The following SSH1 variants were observed in gnomAD, a reference collection of about 807,000 sequenced individuals.
The protein encoded by SSH1 is slingshot protein phosphatase 1.
SSH1 carries 43 observed loss-of-function variants against 79.7 expected under a neutral mutation model. The ratio of observed to expected loss-of-function variants is 0.54; its 90% CI spans 0.42 to 0.70. SSH1 has a LOEUF of 0.70. SSH1 is among the 30% of genes least tolerant of loss of function. SSH1 has a pLI of 0.00. For synonymous variants in SSH1, 599 were observed against 538.3 expected, an observed-to-expected ratio of 1.11 and a Z score of -1.56; for missense variants, 1,206 against 1,358.8, an observed-to-expected ratio of 0.89 and a Z score of 1.77.
chr12:108,831,218 GAACT>G lies in SSH1; in HGVS notation c.111-7861_111-7858del, dbSNP rs755749184. 1.1e-4 allele frequency among the ~76,000 whole-genome samples: 16 copies of G among 152,302 alleles called. No homozygotes were observed. The South Asian group carries it at 2.5e-3, about 24-fold the overall frequency. On this transcript the variant is annotated intron_variant, in intron 2 of 14. Transcript: ENST00000326495. ...AAACGGAATCACTTTTCCCTGGATA[GAACT>G]AACCCTCAATGGTACCCCACTCTGC...
At chr12:108,795,465 G>A (rs968796652) in intron 13 of SSH1, among the ~76,000 whole-genome samples, 1 of 152,056 alleles carries the variant, frequency 6.6e-6, no homozygotes, top group Non-Finnish European at 1.5e-5. Context: ...ATGTTGGCCA[G>A]GCTGGTCTCA....
Position 108,782,587 on chromosome 12 carries a change from G to A in SSH1, c.*5401C>T, listed in dbSNP as rs1187567099. 1 of 152,160 alleles carries A rather than the reference G, an allele frequency of 6.6e-6. No individual in the cohort carries two copies. Among genetic ancestry groups the A allele is most frequent in the African/African-American group, 2.4e-5 (1 of 41,432 alleles). The allele number at this position is 152,160 out of a possible 1,614,324, so 9.4% of individuals were successfully genotyped here. Reference sequence around the variant, plus strand: ...GCAAAGAACTGAGCATGTAATAGATGCTCAATAAAGACTGGCCATGTCAAT... The same window carrying A: ...GCAAAGAACTGAGCATGTAATAGATACTCAATAAAGACTGGCCATGTCAAT... On this transcript the variant is annotated 3_prime_UTR_variant, in exon 15 of 15. Coordinates refer to ENST00000326495, the MANE Select transcript of SSH1 (RefSeq NM_018984.4).
intron 1 of SSH1, chr12:108,853,420 G>A: frequency 1.1e-6 from 1 of 901,804 alleles, no homozygotes; most frequent in Non-Finnish European, 1.3e-6. Context: ...CGCACCGCTG[G>A]GACTTGGCAT....
chr12:108,843,797 A>C (rs1238113568), intron 2 of SSH1, among the ~76,000 whole-genome samples: 1 of 152,168 alleles, frequency 6.6e-6, no homozygotes, highest in African/African-American at 2.4e-5. Flanking sequence ...GGCCTCCCAA[A>C]GTGCTAGGAT....
intron 5 of SSH1, among the ~76,000 whole-genome samples, chr12:108,816,711 G>A (rs889752644): frequency 3.3e-5 from 5 of 152,282 alleles, no homozygotes; most frequent in African/African-American, 1.2e-4. Flanking sequence ...TTCTGGGTTC[G>A]GCGTTGTTGT....
At chr12:108,851,207 G>T (rs1330951967) in intron 2 of SSH1, among the ~76,000 whole-genome samples, 3 of 152,284 alleles carry the variant, frequency 2.0e-5, no homozygotes, top group Admixed American at 2.0e-4. Context: ...TTTGATTCTT[G>T]CAGGCTAGTG....
chr12:108,830,133 G>C (rs1001733478), intron 2 of SSH1, among the ~76,000 whole-genome samples: 3 of 151,924 alleles, frequency 2.0e-5, no homozygotes, highest in African/African-American at 7.3e-5. Flanking sequence ...CTGATGCACA[G>C]CCAAGTTTTA....
intron 1 of SSH1, chr12:108,853,408 T>C: frequency 1.1e-6 from 1 of 939,126 alleles, no homozygotes; most frequent in Non-Finnish European, 1.3e-6. Context: ...CCCAAACAAC[T>C]CCGCACCGCT....
At chr12:108,798,610 C>A (rs2036852462) in intron 13 of SSH1, among the ~76,000 whole-genome samples, 1 of 152,222 alleles carries the variant, frequency 6.6e-6, no homozygotes, top group African/African-American at 2.4e-5. Flanking sequence ...CTGTGCCTCT[C>A]CGAGTCCTTG....
chr12:108,799,212 G>A lies in SSH1; in HGVS notation c.1149-12C>T, dbSNP rs1460308423. On this transcript the variant is annotated splice_polypyrimidine_tract_variant and intron_variant, in intron 12 of 14. Coordinates refer to ENST00000326495, the MANE Select transcript of SSH1 (RefSeq NM_018984.4). ...TGGAATGGTTCCTCCTGCAGGGGTG[G>A]GAGCAGTTGGGGAGGAGAGATGGGG... 5.0e-6 allele frequency: 8 copies of A among 1,605,970 alleles called. No homozygotes were observed. Among genetic ancestry groups the A allele is most frequent in the Non-Finnish European group, 1.7e-6 (2 of 1,174,978 alleles).
At chr12:108,836,993 G>A (rs1278810077) in intron 2 of SSH1, 4 of 497,106 alleles carry the variant, frequency 8.0e-6, no homozygotes, top group African/African-American at 1.9e-5. Context: ...CATTTTGGGA[G>A]GCTGAGGTGG....
rs1486536495 is a variant in SSH1 at position 108,807,930 on chromosome 12, T to C, written c.537-103A>G. On this transcript the variant is annotated intron_variant, in intron 7 of 14. Transcript: ENST00000326495. The surrounding 1 kb of genome is among the most constrained non-coding windows in gnomAD (Gnocchi z 5.2). Reference sequence around the variant, plus strand: ...AAATACGGGAAGGGAAGGGCAATGATTGATTGGTTGATTATTTCTTTTTGG... The same window carrying C: ...AAATACGGGAAGGGAAGGGCAATGACTGATTGGTTGATTATTTCTTTTTGG... 5.0e-6 allele frequency: 5 copies of C among 993,950 alleles called. No homozygotes were observed. Among genetic ancestry groups the C allele is most frequent in the South Asian group, 2.7e-5 (2 of 73,102 alleles). 61.6% of individuals were successfully genotyped at this position (993,950 alleles called of 1,614,324 possible). A position where few individuals can be genotyped will look rare whatever the true frequency, so the allele number is the denominator to read the frequency against.
chr12:108,857,451 A>T lies in SSH1; in HGVS notation c.46T>A (p.Ser16Thr). The T allele has an allele frequency of 9.0e-7, 1 of 1,116,496 alleles. No homozygotes were observed. The allele number at this position is 1,116,496 out of a possible 1,614,324, so 69.2% of individuals were successfully genotyped here. A position where few individuals can be genotyped will look rare whatever the true frequency, so the allele number is the denominator to read the frequency against. The change falls in exon 1 of 15, where the codon TCC (serine) becomes ACC (threonine). Residue 16 changes from serine (S) to threonine (T), a missense_variant. Physicochemically the swap from Ser to Thr is moderately conservative, Grantham distance 58. Around this residue, in one of 5 missense-constraint regions of SSH1, gnomAD observed 100 missense variants for 82.3 expected, o/e 1.21. Coordinates refer to ENST00000326495, the MANE Select transcript of SSH1 (RefSeq NM_018984.4). This position sits in a 1 kb window ranked among gnomAD's most constrained non-coding sequence, Gnocchi z 4.7. ...LQRSPTPSAA[S>T]SSASNSELEA... ...ACCTCGCTGTTGCTGGCCGAGGAGG[A>T]GGCGGCGCTGGGCGTGGGCGAGCGC...
intron 2 of SSH1, among the ~76,000 whole-genome samples, chr12:108,852,140 ATAT>A (rs2039052823): frequency 6.6e-6 from 1 of 152,046 alleles, no homozygotes; most frequent in Non-Finnish European, 1.5e-5. Flanking sequence ...GCGTTATATA[ATAT>A]TATTAAAGTG....
rs546138361 is a variant in SSH1, at chr12:108,850,761, G to A, written c.110+1877C>T. On this transcript the variant is annotated intron_variant, in intron 2 of 14. Transcript: ENST00000326495. ...GAGTGGGGAAGAGAGATGGGGAGTC[G>A]GGGGAGGGGAACCTGGAGGGAGGGA... 8.3e-5 allele frequency among the ~76,000 whole-genome samples: 11 copies of A among 132,320 alleles called. 1 individual carries two copies. In the Middle Eastern group the frequency reaches 0.011, roughly 133 times the overall value. 86.8% of individuals were successfully genotyped at this position (132,320 alleles called of 152,430 possible). A position where few individuals can be genotyped will look rare whatever the true frequency, so the allele number is the denominator to read the frequency against.
At chr12:108,840,042 C>T (rs984913959) in intron 2 of SSH1, among the ~76,000 whole-genome samples, 3 of 152,200 alleles carry the variant, frequency 2.0e-5, no homozygotes, top group Non-Finnish European at 2.9e-5. Flanking sequence ...CCGCTCTGAC[C>T]ACACGCAGGC....
chr12:108,792,229 A>G (rs889427031), intron 14 of SSH1, 57 bp downstream of exon 14: 2 of 1,613,824 alleles, frequency 1.2e-6, no homozygotes, highest in Middle Eastern at 1.6e-4. Flanking sequence ...AGGTAGGCCA[A>G]TTAGAGTGGG....
intron 2 of SSH1, among the ~76,000 whole-genome samples, chr12:108,834,754 C>T (rs1276758468): frequency 6.6e-6 from 1 of 152,176 alleles, no homozygotes; most frequent in Non-Finnish European, 1.5e-5. Flanking sequence ...CATCTTCCTG[C>T]CAGTATATTT....
Position 108,807,942 on chromosome 12 carries a change from T to A in SSH1, c.537-115A>T. 1.1e-6 allele frequency: 1 copy of A among 949,580 alleles called. No individual in the cohort carries two copies. 58.8% of individuals were successfully genotyped at this position (949,580 alleles called of 1,614,324 possible). A position where few individuals can be genotyped will look rare whatever the true frequency, so the allele number is the denominator to read the frequency against. ...GGAAGGGCAATGATTGATTGGTTGA[T>A]TATTTCTTTTTGGGACAGAGTCTCG... On this transcript the variant is annotated intron_variant, in intron 7 of 14. Coordinates refer to ENST00000326495, the MANE Select transcript of SSH1 (RefSeq NM_018984.4). This position sits in a 1 kb window ranked among gnomAD's most constrained non-coding sequence, Gnocchi z 5.2.
Sources: gnomAD v4.1 joint callset for allele counts (sites outside exome capture counted in the v4.1 genomes callset) on GRCh38, gnomAD v4.1.1 for gene constraint, gnomAD v4.1.1 regional missense constraint, Gnocchi (gnomAD v3.1) non-coding constraint, MANE v1.5 for transcripts, NCBI Gene and HGNC (gene_info 2026-07-23, HGNC 2026-07-21) for gene names.